Variants in RCOR3 observed in about 807,000 individuals in gnomAD.
RCOR3 encodes REST corepressor 3.
In RCOR3, 13 loss-of-function variants were observed where a neutral mutation model predicts 64.1. That is an observed-to-expected ratio of 0.20 (90% CI 0.13 to 0.32). The LOEUF is 0.32. Among genes scored for constraint, RCOR3 ranks in the 10% least tolerant of loss-of-function variants. The pLI is 1.00. For synonymous variants in RCOR3, 215 were observed against 239.0 expected, an observed-to-expected ratio of 0.90 and a Z score of 0.93; for missense variants, 489 against 701.2, an observed-to-expected ratio of 0.70 and a Z score of 3.42.
chr1:211,273,816 A>C (rs901179681), intron 3 of RCOR3, among the ~76,000 whole-genome samples: 1 of 152,170 alleles, frequency 6.6e-6, no homozygotes, highest in African/African-American at 2.4e-5. Context: ...CTTTGGATCA[A>C]CTCGAAATAT....
chr1:211,313,012 TTG>T lies in RCOR3; in HGVS notation c.1317+56_1317+57del. 1 of 1,611,628 alleles carries T rather than the reference TTG, an allele frequency of 6.2e-7. No homozygotes were observed. The highest frequency in any genetic ancestry group is 2.2e-5 in the East Asian group (1 of 44,824). On this transcript the variant is annotated intron_variant, in intron 11 of 11. Transcript: ENST00000419091. This position sits in a 1 kb window ranked among gnomAD's most constrained non-coding sequence, Gnocchi z 4.7. ...TAATATGAGTTGAGGAATCACCATT[TTG>T]TGTGGTATTCTGTAAGGTTAATTTG...
Position 211,271,376 on chromosome 1 carries a change from C to A in RCOR3, c.301+67C>A, listed in dbSNP as rs116495142. 6.8e-6 allele frequency: 9 copies of A among 1,314,242 alleles called. No individual in the cohort carries two copies. In the African/African-American group the frequency reaches 7.3e-5, roughly 11 times the overall value. The allele number at this position is 1,314,242 out of a possible 1,614,324, so 81.4% of individuals were successfully genotyped here. A position where few individuals can be genotyped will look rare whatever the true frequency, so the allele number is the denominator to read the frequency against. ...ATCAGCCAATTCAAAATATGACTTA[C>A]GTTTGTTTTTGGGTCTTATAGATTC... On this transcript the variant is annotated intron_variant, in intron 3 of 11. Coordinates refer to ENST00000419091, the MANE Select transcript of RCOR3 (RefSeq NM_001136223.3).
intron 7 of RCOR3, among the ~76,000 whole-genome samples, chr1:211,279,862 A>T (rs1348249011): frequency 6.6e-6 from 1 of 152,016 alleles, no homozygotes; most frequent in African/African-American, 2.4e-5. Context: ...CTGCTATACC[A>T]TCCCTAACCC....
intron 2 of RCOR3, among the ~76,000 whole-genome samples, chr1:211,262,870 C>CT (rs202136688): frequency 0.028 from 4,006 of 143,218 alleles, 188 homozygotes; most frequent in African/African-American, 0.097. Context: ...TTTTAAACAA[C>CT]TTTTTTTTTT....
In RCOR3 at chr1:211,312,631, G is replaced by T; in HGVS notation, c.1076-89G>T. 1 of 883,944 alleles carries T rather than the reference G, an allele frequency of 1.1e-6. No homozygotes were observed. The allele number at this position is 883,944 out of a possible 1,614,324, so 54.8% of individuals were successfully genotyped here. A position where few individuals can be genotyped will look rare whatever the true frequency, so the allele number is the denominator to read the frequency against. On this transcript the variant is annotated intron_variant, in intron 10 of 11. Transcript: ENST00000419091. This position sits in a 1 kb window ranked among gnomAD's most constrained non-coding sequence, Gnocchi z 5.0. The stretch of plus-strand genomic sequence containing the variant: ...GAGTTTATCAGAAAGGAATTTCATT[G>T]CTGGTATCTTTTGTGTGTGCATGAT...
At chr1:211,279,908 G>A (rs904842169) in intron 7 of RCOR3, among the ~76,000 whole-genome samples, 4 of 152,014 alleles carry the variant, frequency 2.6e-5, no homozygotes, top group African/African-American at 7.2e-5. Flanking sequence ...TGCTATTCAC[G>A]GTCTAAGAGA....
At position 211,278,516 on chromosome 1, in the gene RCOR3, G is replaced by T. The variant is rs148904290; in HGVS notation, c.641+275G>T. On this transcript the variant is annotated intron_variant, in intron 6 of 11. Transcript: ENST00000419091. ...TTAAAGAATATGTTCTATGAAAAAG[G>T]TCTTTTTATAATTACCTGAGTAACT... is the stretch of plus-strand genomic sequence containing the variant. Among the ~76,000 whole-genome samples, 1,045 of 151,986 alleles carry T rather than the reference G, an allele frequency of 6.9e-3. 44 individuals carry two copies. The highest frequency in any genetic ancestry group is 0.054 in the Admixed American group (821 of 15,258).
intron 9 of RCOR3, among the ~76,000 whole-genome samples, chr1:211,300,913 C>CGTGT (rs146843501): frequency 9.3e-5 from 14 of 151,072 alleles, no homozygotes; most frequent in African/African-American, 3.2e-4. Context: ...TGTATGCGTG[C>CGTGT]GTGCGTGTGT....
At chr1:211,260,259 G>T (rs1694013233) in intron 2 of RCOR3, 95 bp downstream of exon 2, 5 of 1,144,176 alleles carry the variant, frequency 4.4e-6, no homozygotes, top group South Asian at 1.3e-5. Flanking sequence ...GCCGGGAGGG[G>T]ATGCGGGGTT....
At chr1:211,267,923 TAAAA>T in intron 2 of RCOR3, 1 of 348,946 alleles carries the variant, frequency 2.9e-6, no homozygotes, top group Non-Finnish European at 5.5e-6. Flanking sequence ...GGGAAAAATT[TAAAA>T]AAAGTTTAAT....
intron 7 of RCOR3, among the ~76,000 whole-genome samples, chr1:211,284,734 C>G (rs891497081): frequency 1.3e-5 from 2 of 152,002 alleles, no homozygotes; most frequent in Admixed American, 1.3e-4. Context: ...ATTGTCCAGA[C>G]TGGTCTTGAG....
chr1:211,282,960 A>G (rs1208872806), intron 7 of RCOR3, among the ~76,000 whole-genome samples: 2 of 151,266 alleles, frequency 1.3e-5, no homozygotes, highest in Non-Finnish European at 2.9e-5. Context: ...AATTGGAATC[A>G]TATTGTATGT....
At chr1:211,259,944 C>A (rs1693912683) in intron 1 of RCOR3, 164 bp from the exon 2 acceptor site, 1 of 1,371,248 alleles carries the variant, frequency 7.3e-7, no homozygotes. Context: ...GCTCCCCGCC[C>A]CCAATCCGCT....
chr1:211,295,644 T>C, intron 8 of RCOR3, 32 bp from the exon 9 acceptor site: 1 of 1,589,346 alleles, frequency 6.3e-7, no homozygotes. Flanking sequence ...AAGTACGCGA[T>C]CTGATTCACA....
chr1:211,276,940 G>T (rs1571856050), intron 5 of RCOR3, among the ~76,000 whole-genome samples: 1 of 151,896 alleles, frequency 6.6e-6, no homozygotes, highest in East Asian at 1.9e-4. Context: ...CAAAAAATTA[G>T]CTGGGTGTGG....
chr1:211,299,653 T>G (rs1190066045), intron 9 of RCOR3, among the ~76,000 whole-genome samples: 1 of 152,060 alleles, frequency 6.6e-6, no homozygotes, highest in African/African-American at 2.4e-5. Context: ...AAGGATGGAG[T>G]GAAAATGCCG....
intron 2 of RCOR3, among the ~76,000 whole-genome samples, chr1:211,270,980 T>C (rs1271793456): frequency 1.3e-5 from 2 of 152,030 alleles, no homozygotes; most frequent in Admixed American, 6.6e-5. Flanking sequence ...TCAGCCTCCC[T>C]GGTAGCTGGG....
In RCOR3 at chr1:211,315,196, C is replaced by A. The variant is rs6663627; in HGVS notation, c.*1428C>A. The A allele has an allele frequency of 0.96, 145,621 of 152,284 alleles. 69,688 individuals carry two copies. The highest frequency in any genetic ancestry group is 1 in the East Asian group (5,170 of 5,184). The allele number at this position is 152,284 out of a possible 1,614,324, so 9.4% of individuals were successfully genotyped here. On this transcript the variant is annotated 3_prime_UTR_variant, in exon 12 of 12. Transcript: ENST00000419091. ...TTGCTATACTAGTGGACATAGGCTA[C>A]ATGTTTGCACATTCACATTCTTATC... is the stretch of plus-strand genomic sequence containing the variant.
At chr1:211,264,192 T>C (rs1694826480) in intron 2 of RCOR3, among the ~76,000 whole-genome samples, 2 of 152,198 alleles carry the variant, frequency 1.3e-5, no homozygotes. Flanking sequence ...CTCATTATCT[T>C]TGTTTCCTAA....
Sources: allele counts gnomAD v4.1 joint callset (sites outside exome capture counted in the v4.1 genomes callset), GRCh38; gene constraint gnomAD v4.1.1; non-coding constraint Gnocchi (gnomAD v3.1); transcripts MANE v1.5; gene names NCBI Gene and HGNC (gene_info 2026-07-23, HGNC 2026-07-21).